Variants in PCDH15 observed in about 807,000 individuals in gnomAD.
PCDH15 encodes the protein protocadherin related 15, also known as protocadherin-15.
PCDH15 carries 129 observed loss-of-function variants against 178.5 expected under a neutral mutation model. The ratio of observed to expected loss-of-function variants is 0.72; its 90% confidence interval spans 0.63 to 0.84. The LOEUF (loss-of-function observed/expected upper bound fraction) is 0.84, where lower values mean the gene tolerates loss of function less well. PCDH15 is among the 40% of genes least tolerant of loss of function. The pLI is 0.00. For synonymous variants in PCDH15, 800 were observed against 732.0 expected (o/e 1.09, Z -1.50); for missense variants, 2,230 against 2,099.9 (o/e 1.06, Z -1.21).
intron 2 of PCDH15, among the ~76,000 whole-genome samples, chr10:55,510,030 CT>C (rs984242654): frequency 3.9e-5 from 6 of 151,964 alleles, no homozygotes; most frequent in Non-Finnish European, 5.9e-5. Context: ...TCACCACTAT[CT>C]TCCACTATGA....
Position 54,353,448 on chromosome 10 carries a change from A to G in PCDH15, c.475-6964T>C, listed in dbSNP as rs138417282. Among the ~76,000 whole-genome samples the G allele has an allele frequency of 4.3e-3, 655 of 152,256 alleles. 7 individuals carry two copies. Among genetic ancestry groups the G allele is most frequent in the African/African-American group, 0.015 (605 of 41,572 alleles). On this transcript the variant is annotated intron_variant, in intron 5 of 37. Transcript: ENST00000644397. ...ATATTCAGTATGTTGAGTTTTGACA[A>G]TTTCATGAACCCATGTAATGAACAC... is the stretch of plus-strand genomic sequence containing the variant.
chr10:54,672,117 T>C (rs980952438), intron 1 of PCDH15, among the ~76,000 whole-genome samples: 6 of 152,124 alleles, frequency 3.9e-5, no homozygotes, highest in African/African-American at 1.4e-4. Flanking sequence ...TGTCATTGTC[T>C]CTCATTATTC....
At chr10:54,249,627 T>C (rs2056299153) in intron 8 of PCDH15, among the ~76,000 whole-genome samples, 1 of 152,182 alleles carries the variant, frequency 6.6e-6, no homozygotes, top group Non-Finnish European at 1.5e-5. Context: ...CTTTTAGTGT[T>C]GTTTTTGACA....
chr10:55,080,692 A>T (rs1329495233), intron 2 of PCDH15, among the ~76,000 whole-genome samples: 39 of 152,154 alleles, frequency 2.6e-4, no homozygotes, highest in Non-Finnish European at 1.5e-4. Context: ...CATCACCCAC[A>T]GTCCCAGACA....
At position 53,903,034 on chromosome 10, in the gene PCDH15, T is replaced by A. The variant is rs182104063; in HGVS notation, c.3501+209A>T. Reference sequence around the variant, plus strand: ...ACATCGTAAGTATTTTGTTACCATTTTCATAGTAAAATGAAACTCAAGAAG... The same window carrying A: ...ACATCGTAAGTATTTTGTTACCATTATCATAGTAAAATGAAACTCAAGAAG... On this transcript the variant is annotated intron_variant, in intron 26 of 37. Transcript: ENST00000644397. Among the ~76,000 whole-genome samples the A allele has an allele frequency of 0.02, 3,018 of 152,248 alleles. 96 individuals are homozygous for A. Among genetic ancestry groups the A allele is most frequent in the African/African-American group, 0.065 (2,717 of 41,568 alleles).
intron 1 of PCDH15, among the ~76,000 whole-genome samples, chr10:55,186,556 C>T (rs554121073): frequency 1.3e-5 from 2 of 151,826 alleles, no homozygotes; most frequent in South Asian, 4.1e-4. Context: ...GCAGAATAGA[C>T]AACTAATATG....
At chr10:54,265,486 T>TA (rs1052778076) in intron 8 of PCDH15, among the ~76,000 whole-genome samples, 4,231 of 144,942 alleles carry the variant, frequency 0.029, 206 homozygotes, top group African/African-American at 0.1. Flanking sequence ...GAATTGGAAT[T>TA]AAAAAAAAAA....
chr10:54,688,179 T>C (rs1274574706), intron 1 of PCDH15, among the ~76,000 whole-genome samples: 2 of 152,112 alleles, frequency 1.3e-5, no homozygotes, highest in African/African-American at 2.4e-5. Flanking sequence ...TCTTAAAAAT[T>C]AGAATTAATG....
chr10:55,314,367 G>A (rs1025763870), intron 1 of PCDH15, among the ~76,000 whole-genome samples: 18 of 151,816 alleles, frequency 1.2e-4, no homozygotes, highest in Non-Finnish European at 4.4e-5. Context: ...ACATTTAACT[G>A]CTGAAGAAAA....
intron 2 of PCDH15, among the ~76,000 whole-genome samples, chr10:55,609,175 T>C (rs1375135558): frequency 3.3e-5 from 5 of 152,070 alleles, no homozygotes; most frequent in African/African-American, 4.8e-5. Flanking sequence ...GGAAGAATTG[T>C]AATTCTTATA....
At chr10:53,875,510 C>G (rs2080168257) in intron 26 of PCDH15, among the ~76,000 whole-genome samples, 2 of 151,846 alleles carry the variant, frequency 1.3e-5, no homozygotes, top group African/African-American at 4.8e-5. Context: ...TCTCTATAAT[C>G]AAACATTTAT....
chr10:55,440,818 G>C (rs1332866667), intron 2 of PCDH15, among the ~76,000 whole-genome samples: 2 of 152,070 alleles, frequency 1.3e-5, no homozygotes, highest in Non-Finnish European at 2.9e-5. Flanking sequence ...AAGCAGCTGG[G>C]GAAGCCTCAC....
At chr10:54,065,417 C>CA (rs1015724444) in intron 18 of PCDH15, among the ~76,000 whole-genome samples, 32 of 152,252 alleles carry the variant, frequency 2.1e-4, no homozygotes, top group African/African-American at 7.5e-4. Context: ...CTACACTTCT[C>CA]AAAAAATATT....
chr10:54,726,263 A>C (rs1418620181), intron 1 of PCDH15, among the ~76,000 whole-genome samples: 1 of 151,678 alleles, frequency 6.6e-6, no homozygotes, highest in Non-Finnish European at 1.5e-5. Context: ...GAAAAAAATT[A>C]GTTTAAATTT....
chr10:55,620,903 A>T (rs968025598), intron 2 of PCDH15, among the ~76,000 whole-genome samples: 13 of 151,718 alleles, frequency 8.6e-5, no homozygotes, highest in African/African-American at 3.1e-4. Context: ...AGTCTTTTAA[A>T]ATTAAAAATA....
chr10:55,289,679 AATCT>A (rs1842960036), intron 1 of PCDH15, among the ~76,000 whole-genome samples: 1 of 152,084 alleles, frequency 6.6e-6, no homozygotes. Flanking sequence ...CCATTTAATT[AATCT>A]ATCTATCTAA....
chr10:55,086,455 C>T (rs1032333209), intron 2 of PCDH15, among the ~76,000 whole-genome samples: 2 of 151,980 alleles, frequency 1.3e-5, no homozygotes, highest in Non-Finnish European at 2.9e-5. Flanking sequence ...CATAGGTTCC[C>T]TCTTCTGTTT....
intron 26 of PCDH15, among the ~76,000 whole-genome samples, chr10:53,897,534 C>T (rs1025412393): frequency 2.0e-5 from 3 of 152,142 alleles, no homozygotes; most frequent in Admixed American, 6.5e-5. Context: ...GTAAAATGTA[C>T]GTAACACAAA....
chr10:55,370,374 T>A (rs917214353), intron 2 of PCDH15, among the ~76,000 whole-genome samples: 1 of 152,164 alleles, frequency 6.6e-6, no homozygotes, highest in Non-Finnish European at 1.5e-5. Context: ...TGACTAGGGC[T>A]AATACACTTC....
Sources: allele counts gnomAD v4.1 joint callset (sites outside exome capture counted in the v4.1 genomes callset), GRCh38; gene constraint gnomAD v4.1.1; transcripts MANE v1.5; gene names NCBI Gene and HGNC (gene_info 2026-07-23, HGNC 2026-07-21).